Variants in PPM1E observed in about 807,000 individuals in gnomAD.
The protein encoded by PPM1E is protein phosphatase 1E.
A neutral mutation model predicts 65.9 loss-of-function variants in PPM1E; 20 were observed. That is an observed-to-expected ratio of 0.30 (90% CI 0.21 to 0.44). The LOEUF (loss-of-function observed/expected upper bound fraction) is 0.44, where lower values mean the gene tolerates loss of function less well. Among genes scored for constraint, PPM1E ranks in the 20% least tolerant of loss-of-function variants. The pLI, the probability that PPM1E is intolerant of heterozygous loss-of-function variation, is 1.00. For missense variants in PPM1E, 713 were observed against 953.1 expected, an observed-to-expected ratio of 0.75 and a Z score of 3.32; for synonymous variants, 352 against 374.9, an observed-to-expected ratio of 0.94 and a Z score of 0.70.
At chr17:58,933,168 C>T (rs2051925936) in intron 1 of PPM1E, among the ~76,000 whole-genome samples, 1 of 152,134 alleles carries the variant, frequency 6.6e-6, no homozygotes, top group South Asian at 2.1e-4. Flanking sequence ...CTTCTCAGAA[C>T]GTATCCCCAT....
At position 58,985,047 on chromosome 17, in the gene PPM1E, C is replaced by A. The variant is rs2031669262; in HGVS notation, c.*4016C>A. ...ATAAATTTATCAATTTACAAATCTG[C>A]TCTACATCTCACTTTTGAGTTCAGT... On this transcript the variant is annotated 3_prime_UTR_variant, in exon 7 of 7. Coordinates refer to ENST00000308249, the MANE Select transcript of PPM1E (RefSeq NM_014906.5). The A allele has an allele frequency of 6.6e-6, 1 of 152,632 alleles. No individual in the cohort carries two copies. Among genetic ancestry groups the A allele is most frequent in the South Asian group, 2.1e-4 (1 of 4,832 alleles). 9.5% of individuals were successfully genotyped at this position (152,632 alleles called of 1,614,324 possible).
chr17:58,934,243 A>G (rs1392512590), intron 1 of PPM1E, among the ~76,000 whole-genome samples: 1 of 152,170 alleles, frequency 6.6e-6, no homozygotes, highest in Non-Finnish European at 1.5e-5. Flanking sequence ...AGGTGACTAC[A>G]ATATTTTGAC....
chr17:58,827,848 G>A (rs2050556004), intron 1 of PPM1E, among the ~76,000 whole-genome samples: 1 of 147,478 alleles, frequency 6.8e-6, no homozygotes, highest in Non-Finnish European at 1.5e-5. Context: ...CTTGCAGTGA[G>A]CCAAGATCGT....
At chr17:58,880,433 T>C (rs1349672990) in intron 1 of PPM1E, among the ~76,000 whole-genome samples, 1 of 152,170 alleles carries the variant, frequency 6.6e-6, no homozygotes, top group Admixed American at 6.5e-5. Context: ...ACACCAAAGA[T>C]GTATAAACAT....
At position 58,836,788 on chromosome 17, in the gene PPM1E, G is replaced by A. The variant is rs1292001594; in HGVS notation, c.464+80327G>A. ...TGTAATCCCAGCACTTTGGGAGGCC[G>A]AGACGGGCGGATCACGAGGTCAGGA... On this transcript the variant is annotated intron_variant, in intron 1 of 6. Transcript: ENST00000308249. Among the ~76,000 whole-genome samples the A allele has an allele frequency of 8.1e-5, 12 of 148,538 alleles. No homozygotes were observed. The South Asian group carries it at 1.3e-3, about 17-fold the overall frequency.
chr17:58,836,194 A>G (rs1446695766), intron 1 of PPM1E, among the ~76,000 whole-genome samples: 2 of 152,122 alleles, frequency 1.3e-5, no homozygotes, highest in East Asian at 1.9e-4. Flanking sequence ...AGTTTTGGGT[A>G]TATATTGTTG....
chr17:58,811,729 G>A (rs899571665), intron 1 of PPM1E, among the ~76,000 whole-genome samples: 1 of 151,854 alleles, frequency 6.6e-6, no homozygotes, highest in Non-Finnish European at 1.5e-5. Context: ...GGAATATGGT[G>A]GTGCGATCTC....
chr17:58,818,955 A>T (rs2050453283), intron 1 of PPM1E, among the ~76,000 whole-genome samples: 1 of 152,214 alleles, frequency 6.6e-6, no homozygotes. Context: ...GTGCTGTATG[A>T]TAGTGATGTG....
At chr17:58,777,534 G>A (rs921334848) in intron 1 of PPM1E, among the ~76,000 whole-genome samples, 2 of 152,046 alleles carry the variant, frequency 1.3e-5, no homozygotes, top group Non-Finnish European at 2.9e-5. Context: ...CTTACCCAAG[G>A]TGTTTAAGTG....
At chr17:58,801,527 C>T (rs1488215061) in intron 1 of PPM1E, among the ~76,000 whole-genome samples, 1 of 149,700 alleles carries the variant, frequency 6.7e-6, no homozygotes, top group Non-Finnish European at 1.5e-5. Context: ...CTGCAACTTC[C>T]GCCTCCCTGG....
intron 1 of PPM1E, among the ~76,000 whole-genome samples, chr17:58,787,157 G>A (rs1157214734): frequency 2.0e-5 from 3 of 152,154 alleles, no homozygotes; most frequent in African/African-American, 7.2e-5. Context: ...GGAATTCAAG[G>A]CTCAGAAAAG....
At chr17:58,932,015 C>T in intron 1 of PPM1E, among the ~76,000 whole-genome samples, 1 of 152,118 alleles carries the variant, frequency 6.6e-6, no homozygotes, top group East Asian at 1.9e-4. Flanking sequence ...GTAGCTCATG[C>T]CTGTAATTTC....
chr17:58,895,415 G>C (rs554896429), intron 1 of PPM1E, among the ~76,000 whole-genome samples: 1 of 152,146 alleles, frequency 6.6e-6, no homozygotes, highest in Non-Finnish European at 1.5e-5. Flanking sequence ...ATCCAAAACA[G>C]GCCAAATGCT....
intron 6 of PPM1E, among the ~76,000 whole-genome samples, chr17:58,977,947 T>C (rs1205448691): frequency 2.6e-5 from 4 of 152,214 alleles, no homozygotes; most frequent in Non-Finnish European, 5.9e-5. Context: ...TTCACCATGA[T>C]GGCCAGGCTG....
intron 1 of PPM1E, among the ~76,000 whole-genome samples, chr17:58,923,488 G>A (rs761553241): frequency 2.0e-5 from 3 of 151,776 alleles, no homozygotes; most frequent in Non-Finnish European, 4.4e-5. Flanking sequence ...GCTCACGCCT[G>A]TAATCCCAGC....
chr17:58,889,584 C>T (rs2051321229), intron 1 of PPM1E, among the ~76,000 whole-genome samples: 1 of 151,876 alleles, frequency 6.6e-6, no homozygotes, highest in Admixed American at 6.6e-5. Context: ...GGCAATAGAT[C>T]GAGACTCCGT....
intron 1 of PPM1E, among the ~76,000 whole-genome samples, chr17:58,877,217 C>T (rs1025900699): frequency 6.6e-5 from 10 of 152,148 alleles, no homozygotes; most frequent in Non-Finnish European, 1.5e-4. Flanking sequence ...ATTTGCATAG[C>T]CAACATAGGT....
At chr17:58,866,169 C>T (rs930627406) in intron 1 of PPM1E, among the ~76,000 whole-genome samples, 2 of 152,104 alleles carry the variant, frequency 1.3e-5, no homozygotes, top group Admixed American at 6.6e-5. Context: ...TTCAAGTTAG[C>T]TTTTTTCTTG....
At chr17:58,832,236 C>T (rs939871873) in intron 1 of PPM1E, among the ~76,000 whole-genome samples, 4 of 152,118 alleles carry the variant, frequency 2.6e-5, no homozygotes, top group African/African-American at 9.7e-5. Context: ...CTTCACTATC[C>T]TGGTCACTCA....
Sources: gnomAD v4.1 joint callset for allele counts (sites outside exome capture counted in the v4.1 genomes callset) on GRCh38, gnomAD v4.1.1 for gene constraint, MANE v1.5 for transcripts, NCBI Gene and HGNC (gene_info 2026-07-23, HGNC 2026-07-21) for gene names.